Variants in MGAT5 observed in about 807,000 individuals in gnomAD.
The protein encoded by MGAT5 is alpha-1,6-mannosylglycoprotein 6-beta-N-acetylglucosaminyltransferase A.
In MGAT5, 30 loss-of-function variants were observed where a neutral mutation model predicts 94.3. The ratio of observed to expected loss-of-function variants is 0.32; its 90% CI spans 0.24 to 0.43. The LOEUF is 0.43. Ranked by LOEUF, MGAT5 falls within the 20% of genes least tolerant of loss-of-function variation. MGAT5 has a pLI of 1.00. For synonymous variants in MGAT5, 310 were observed against 322.9 expected (o/e 0.96, Z 0.43); for missense variants, 691 against 905.5 (o/e 0.76, Z 3.04).
At chr2:134,303,953 T>G (rs1027652376) in intron 2 of MGAT5, among the ~76,000 whole-genome samples, 3 of 152,150 alleles carry the variant, frequency 2.0e-5, no homozygotes, top group African/African-American at 7.2e-5. Context: ...AATTTAAGGA[T>G]CAAATCCCTT....
intron 1 of MGAT5, chr2:134,120,372 G>C (rs547458824): frequency 2.0e-4 from 75 of 378,062 alleles, no homozygotes; most frequent in South Asian, 1.4e-3. Flanking sequence ...GGGGACCGCG[G>C]GGGGCACGGG....
intron 10 of MGAT5, among the ~76,000 whole-genome samples, chr2:134,386,524 A>G (rs1681989900): frequency 6.6e-6 from 1 of 152,212 alleles, no homozygotes; most frequent in Non-Finnish European, 1.5e-5. Context: ...CTGTCTTTCA[A>G]CTGTCATCTT....
intron 15 of MGAT5, among the ~76,000 whole-genome samples, chr2:134,443,189 T>A (rs1685582241): frequency 6.6e-6 from 1 of 150,888 alleles, no homozygotes; most frequent in Non-Finnish European, 1.5e-5. Flanking sequence ...TTTTTTTTGT[T>A]GTTGTTGTTG....
intron 2 of MGAT5, among the ~76,000 whole-genome samples, chr2:134,278,031 G>A (rs1478949404): frequency 6.6e-6 from 1 of 152,172 alleles, no homozygotes; most frequent in Non-Finnish European, 1.5e-5. Flanking sequence ...AAAGTTTGTG[G>A]GATGCTGTTG....
intron 1 of MGAT5, among the ~76,000 whole-genome samples, chr2:134,243,407 G>A (rs868392663): frequency 7.9e-5 from 12 of 152,220 alleles, no homozygotes; most frequent in Middle Eastern, 3.4e-3. Context: ...GCAAACTGAG[G>A]GTTTGTGACC....
chr2:134,324,854 C>T (rs1200451146), intron 4 of MGAT5, among the ~76,000 whole-genome samples: 1 of 152,010 alleles, frequency 6.6e-6, no homozygotes, highest in East Asian at 1.9e-4. Context: ...ATTCCTTTTC[C>T]TCAAGATAAT....
chr2:134,382,977 CTTAG>C lies in MGAT5; in HGVS notation c.1381-20008_1381-20005del, dbSNP rs930596840. Among the ~76,000 whole-genome samples the C allele has an allele frequency of 8.5e-5, 13 of 152,278 alleles. No individual in the cohort carries two copies. In the South Asian group the frequency reaches 2.7e-3, roughly 32 times the overall value. ...GTAAGAGCACGCACTTCTATATAAACTTAGTTGGTAGCTTTGGAAAGATTTGATA... is the reference window on the plus strand; with the variant it reads ...GTAAGAGCACGCACTTCTATATAAACTTGGTAGCTTTGGAAAGATTTGATA... On this transcript the variant is annotated intron_variant, in intron 10 of 15. Transcript: ENST00000281923.
chr2:134,338,111 A>C (rs1573851812), intron 5 of MGAT5, 148 bp from the exon 6 acceptor site: 1 of 634,314 alleles, frequency 1.6e-6, no homozygotes, highest in East Asian at 3.1e-5. Flanking sequence ...TGGGACCTTA[A>C]AGTCAAAGCT....
At chr2:134,182,287 A>G (rs1400946194) in intron 1 of MGAT5, among the ~76,000 whole-genome samples, 1 of 152,216 alleles carries the variant, frequency 6.6e-6, no homozygotes, top group Non-Finnish European at 1.5e-5. Context: ...TATGATAGCT[A>G]TATGCCATAC....
intron 2 of MGAT5, among the ~76,000 whole-genome samples, chr2:134,283,868 A>G (rs1573699950): frequency 6.6e-6 from 1 of 151,912 alleles, no homozygotes; most frequent in Admixed American, 6.6e-5. Flanking sequence ...ACATCGCTGC[A>G]CTAGGCTCTC....
At chr2:134,234,305 T>A (rs1681523351) in intron 1 of MGAT5, among the ~76,000 whole-genome samples, 1 of 152,204 alleles carries the variant, frequency 6.6e-6, no homozygotes, top group Non-Finnish European at 1.5e-5. Context: ...CCAGCAGCCA[T>A]CTTTATTAAC....
chr2:134,183,377 A>T (rs898527515), intron 1 of MGAT5, among the ~76,000 whole-genome samples: 1 of 152,224 alleles, frequency 6.6e-6, no homozygotes, highest in East Asian at 1.9e-4. Context: ...TCATGTATGG[A>T]TTGACGCAAT....
intron 13 of MGAT5, among the ~76,000 whole-genome samples, chr2:134,427,066 A>G (rs115377787): frequency 0.017 from 2,573 of 152,254 alleles, 78 homozygotes; most frequent in African/African-American, 0.06. Context: ...GATTTGGCAT[A>G]CGAGAAAGGG....
At chr2:134,347,498 T>C (rs1688989491) in intron 8 of MGAT5, among the ~76,000 whole-genome samples, 1 of 152,210 alleles carries the variant, frequency 6.6e-6, no homozygotes, top group Non-Finnish European at 1.5e-5. Flanking sequence ...GTTAAAAATG[T>C]CACTAGCCAA....
chr2:134,191,985 G>A (rs1228962260), intron 1 of MGAT5, among the ~76,000 whole-genome samples: 1 of 146,574 alleles, frequency 6.8e-6, no homozygotes, highest in Admixed American at 6.8e-5. Flanking sequence ...GGTTCCTGAT[G>A]GTAGGGTGGG....
chr2:134,302,716 C>CTGTG lies in MGAT5; in HGVS notation c.407-14761_407-14758dup, dbSNP rs3034344. Among the ~76,000 whole-genome samples, 883 of 133,662 alleles carry CTGTG rather than the reference C, an allele frequency of 6.6e-3. 6 individuals carry two copies. Among genetic ancestry groups the CTGTG allele is most frequent in the African/African-American group, 0.014 (488 of 34,734 alleles). The allele number at this position is 133,662 out of a possible 152,430, so 87.7% of individuals were successfully genotyped here. On this transcript the variant is annotated intron_variant, in intron 2 of 15. Transcript: ENST00000281923. Reference sequence around the variant, plus strand: ...GTTTTCTCTCAGCATTTAAGAAATGCTGTGTGTGTGTGTGTGTGTGTGTGT... The same window carrying CTGTG: ...GTTTTCTCTCAGCATTTAAGAAATGCTGTGTGTGTGTGTGTGTGTGTGTGTGTGT...
At position 134,362,326 on chromosome 2, in the gene MGAT5, A is replaced by G; in HGVS notation, c.1298A>G (p.Asn433Ser). 1 of 1,614,026 alleles carries G rather than the reference A, an allele frequency of 6.2e-7. No individual in the cohort carries two copies. The highest frequency in any genetic ancestry group is 8.5e-7 in the Non-Finnish European group (1 of 1,179,898). Residue 433 changes from asparagine (N) to serine (S), a missense_variant, in exon 10 of 16, where the codon AAC becomes AGC. By Grantham distance (46) the Asn-to-Ser change is conservative (BLOSUM62 1). This residue lies in a region of MGAT5 where 121 missense variants were observed against 206.1 expected (regional missense o/e 0.59). Coordinates refer to ENST00000281923, the MANE Select transcript of MGAT5 (RefSeq NM_002410.5). ...GGGTTTGTGGTTGAGCAGCACCTGA[A>G]CTCCAGTGATATCCACCACATTAAT... is the stretch of plus-strand genomic sequence containing the variant. Reference protein sequence around the residue: ...FLGFVVEQHLNSSDIHHINEI... With the variant: ...FLGFVVEQHLSSSDIHHINEI...
chr2:134,237,501 G>A (rs1681709304), intron 1 of MGAT5, among the ~76,000 whole-genome samples: 1 of 152,152 alleles, frequency 6.6e-6, no homozygotes, highest in South Asian at 2.1e-4. Flanking sequence ...CATTCCCCAG[G>A]TGGGAATTCA....
In MGAT5 at chr2:134,453,616, A is replaced by G. The variant is rs1686210004; in HGVS notation, c.*4769A>G. The G allele has an allele frequency of 6.6e-6, 1 of 152,208 alleles. No homozygotes were observed. Among genetic ancestry groups the G allele is most frequent in the Non-Finnish European group, 1.5e-5 (1 of 68,048 alleles). 9.4% of individuals were successfully genotyped at this position (152,208 alleles called of 1,614,324 possible). ...GGCAGGTCCCTTTGCCGGCCCCTAC[A>G]GGCTGGGGTGGCCCCTCCTGTCCTC... On this transcript the variant is annotated 3_prime_UTR_variant, in exon 16 of 16. Transcript: ENST00000281923.
Sources: allele counts gnomAD v4.1 joint callset (sites outside exome capture counted in the v4.1 genomes callset), GRCh38; gene constraint gnomAD v4.1.1; regional missense constraint gnomAD v4.1.1; transcripts MANE v1.5; gene names NCBI Gene and HGNC (gene_info 2026-07-23, HGNC 2026-07-21).